Variants in CBLB observed in about 807,000 individuals in gnomAD.
CBLB encodes E3 ubiquitin-protein ligase CBL-B.
In CBLB, 31 loss-of-function variants were observed where a neutral mutation model predicts 104.9. The ratio of observed to expected loss-of-function variants is 0.30; its 90% CI spans 0.22 to 0.40. The LOEUF (loss-of-function observed/expected upper bound fraction) is 0.40. CBLB is among the 10% of genes least tolerant of loss of function. The pLI, the probability that CBLB is intolerant of heterozygous loss-of-function variation, is 1.00. For synonymous variants in CBLB, 440 were observed against 422.6 expected, an observed-to-expected ratio of 1.04 and a Z score of -0.51; for missense variants, 1,062 against 1,214.6, an observed-to-expected ratio of 0.87 and a Z score of 1.87.
intron 17 of CBLB, among the ~76,000 whole-genome samples, chr3:105,677,530 T>C (rs2065803756): frequency 6.6e-6 from 1 of 151,762 alleles, no homozygotes; most frequent in Non-Finnish European, 1.5e-5. Flanking sequence ...CATGTAGAAA[T>C]GTAAGGAACT....
At chr3:105,775,712 T>C (rs2079379242) in intron 4 of CBLB, among the ~76,000 whole-genome samples, 1 of 152,234 alleles carries the variant, frequency 6.6e-6, no homozygotes, top group African/African-American at 2.4e-5. Context: ...TTTATATAAA[T>C]TATGCTGACC....
Position 105,867,393 on chromosome 3 carries a change from C to T in CBLB, c.168+17G>A. The T allele has an allele frequency of 1.9e-6, 3 of 1,612,934 alleles. No homozygotes were observed. The highest frequency in any genetic ancestry group is 2.2e-5 in the East Asian group (1 of 44,890). Reference sequence around the variant, plus strand: ...AGTGAATAGTGTTTCGCACAGGCAACGTCAGACAGAACTTACCACTTTGTC... The same window carrying T: ...AGTGAATAGTGTTTCGCACAGGCAATGTCAGACAGAACTTACCACTTTGTC... On this transcript the variant is annotated intron_variant, in intron 2 of 18. Coordinates refer to ENST00000394030, the MANE Select transcript of CBLB (RefSeq NM_170662.5).
At chr3:105,777,521 G>T (rs186057144) in intron 3 of CBLB, among the ~76,000 whole-genome samples, 4 of 152,332 alleles carry the variant, frequency 2.6e-5, no homozygotes, top group African/African-American at 7.2e-5. Flanking sequence ...CCAGTTATTA[G>T]GGAGGCTGAT....
At chr3:105,688,973 T>C (rs1205281287) in intron 13 of CBLB, among the ~76,000 whole-genome samples, 1 of 152,088 alleles carries the variant, frequency 6.6e-6, no homozygotes, top group Non-Finnish European at 1.5e-5. Context: ...GATAACCTCA[T>C]GGTTTGCTCC....
At chr3:105,664,270 A>C (rs1451658167) in intron 18 of CBLB, among the ~76,000 whole-genome samples, 1 of 152,176 alleles carries the variant, frequency 6.6e-6, no homozygotes, top group Non-Finnish European at 1.5e-5. Context: ...TAGTATATAA[A>C]GTTAGGGTTT....
At chr3:105,766,655 A>G (rs966978434) in intron 4 of CBLB, among the ~76,000 whole-genome samples, 1 of 141,742 alleles carries the variant, frequency 7.1e-6, no homozygotes, top group Non-Finnish European at 1.6e-5. Context: ...TAAGGTACAT[A>G]TATTTTTTTA....
At chr3:105,857,570 CA>C (rs1382723630) in intron 2 of CBLB, among the ~76,000 whole-genome samples, 1 of 152,170 alleles carries the variant, frequency 6.6e-6, no homozygotes, top group African/African-American at 2.4e-5. Flanking sequence ...TAATCCAATA[CA>C]AGAGCTTGTA....
chr3:105,683,813 T>C (rs1445318302), intron 14 of CBLB, among the ~76,000 whole-genome samples: 1 of 152,192 alleles, frequency 6.6e-6, no homozygotes, highest in Non-Finnish European at 1.5e-5. Context: ...ACACCAGCAA[T>C]AGCAAGGAGT....
chr3:105,836,130 C>A (rs555465797), intron 3 of CBLB, among the ~76,000 whole-genome samples: 1 of 152,276 alleles, frequency 6.6e-6, no homozygotes, highest in Admixed American at 6.5e-5. Context: ...TGTGGGAAGA[C>A]CACCATGTTA....
chr3:105,697,474 C>CT (rs1367289161), intron 12 of CBLB, among the ~76,000 whole-genome samples: 1 of 151,944 alleles, frequency 6.6e-6, no homozygotes, highest in Non-Finnish European at 1.5e-5. Context: ...AAACACAAGC[C>CT]TTTACCTTAT....
At chr3:105,715,893 GC>G (rs2152816295) in intron 10 of CBLB, among the ~76,000 whole-genome samples, 1 of 152,144 alleles carries the variant, frequency 6.6e-6, no homozygotes, top group East Asian at 1.9e-4. Context: ...ACAAAAATTA[GC>G]CAGGCGTGGT....
intron 9 of CBLB, among the ~76,000 whole-genome samples, chr3:105,731,146 CATGTTGTGGTGATGTAAA>C (rs1189809858): frequency 6.6e-6 from 1 of 152,170 alleles, no homozygotes; most frequent in African/African-American, 2.4e-5. Context: ...AACACATAGA[CATGTTGTGGTGATGTAAA>C]ATGTTGTGGT....
chr3:105,803,978 T>A (rs1320428944), intron 3 of CBLB, among the ~76,000 whole-genome samples: 1 of 152,176 alleles, frequency 6.6e-6, no homozygotes, highest in Admixed American at 6.6e-5. Flanking sequence ...TCTGTGTGCT[T>A]TTCTCTTAGG....
rs11326645 is a variant in CBLB, at chr3:105,750,023, A to ATT, written c.723+1437_723+1438dup. Among the ~76,000 whole-genome samples, 31 of 146,854 alleles carry ATT rather than the reference A, an allele frequency of 2.1e-4. No homozygotes were observed. The Middle Eastern group carries it at 0.01, about 49-fold the overall frequency. ...ATGAAGTGAAATATATCCTATATGT[A>ATT]TTTTTTTTTTTTTGAGACAGAGTCT... On this transcript the variant is annotated intron_variant, in intron 5 of 18. Transcript: ENST00000394030.
At position 105,818,851 on chromosome 3, in the gene CBLB, T is replaced by C. The variant is rs560631051; in HGVS notation, c.419+34563A>G. ...TTTAAAACCTTTAGTAATTTATGAA[T>C]ATAGGATATAGAAAAATGAAAGTCT... On this transcript the variant is annotated intron_variant, in intron 3 of 18. Coordinates refer to ENST00000394030, the MANE Select transcript of CBLB (RefSeq NM_170662.5). Among the ~76,000 whole-genome samples, 1,182 of 152,144 alleles carry C rather than the reference T, an allele frequency of 7.8e-3. 19 individuals carry two copies. The highest frequency in any genetic ancestry group is 0.026 in the African/African-American group (1,100 of 41,542).
intron 12 of CBLB, among the ~76,000 whole-genome samples, chr3:105,699,492 C>A (rs1181543514): frequency 6.6e-6 from 1 of 152,048 alleles, no homozygotes; most frequent in Non-Finnish European, 1.5e-5. Flanking sequence ...CCAGTATATT[C>A]TAGAGCAAAA....
chr3:105,730,214 C>T (rs1042930031), intron 9 of CBLB, among the ~76,000 whole-genome samples: 3 of 151,302 alleles, frequency 2.0e-5, no homozygotes, highest in African/African-American at 2.4e-5. Flanking sequence ...ATACAATAAA[C>T]GTAAAATAAC....
chr3:105,697,392 T>C (rs1272685664), intron 12 of CBLB, among the ~76,000 whole-genome samples: 1 of 152,022 alleles, frequency 6.6e-6, no homozygotes, highest in African/African-American at 2.4e-5. Context: ...TATGGGACCC[T>C]TGAGATACAG....
At chr3:105,813,009 T>G (rs931978925) in intron 3 of CBLB, among the ~76,000 whole-genome samples, 6 of 152,070 alleles carry the variant, frequency 3.9e-5, no homozygotes, top group African/African-American at 1.4e-4. Flanking sequence ...AAAGTACATT[T>G]TAAAGGATAA....
Sources: gnomAD v4.1 joint callset for allele counts (sites outside exome capture counted in the v4.1 genomes callset) on GRCh38, gnomAD v4.1.1 for gene constraint, MANE v1.5 for transcripts, NCBI Gene and HGNC (gene_info 2026-07-23, HGNC 2026-07-21) for gene names.